REDIC1: variants seen among roughly 807,000 people sequenced by gnomAD.
REDIC1 encodes the protein regulator of DNA class I crossover intermediates 1.
the REDIC1 span, among the ~76,000 whole-genome samples, chr12:39,669,414 G>GT: frequency 2.4e-4 from 37 of 152,290 alleles, no homozygotes; most frequent in African/African-American, 8.2e-4. Flanking sequence ...TCCTCTGGAA[G>GT]TTTTTTCTCA....
At chr12:39,775,516 G>A in the REDIC1 span, among the ~76,000 whole-genome samples, 1 of 152,234 alleles carries the variant, frequency 6.6e-6, no homozygotes, top group African/African-American at 2.4e-5. Flanking sequence ...GTTAGCATTT[G>A]AGTGGTCTAA....
At chr12:39,638,720 C>T in the REDIC1 span, among the ~76,000 whole-genome samples, 10 of 151,940 alleles carry the variant, frequency 6.6e-5, no homozygotes, top group Admixed American at 5.3e-4. Context: ...TAAGAAATGA[C>T]CTTTGACATA....
chr12:39,790,217 TTC>T, the REDIC1 span, among the ~76,000 whole-genome samples: 7 of 6,498 alleles, frequency 1.1e-3, no homozygotes, highest in Admixed American at 1.9e-3. Flanking sequence ...TTTTTTTTTC[TTC>T]TTCTTCTTTT....
chr12:39,818,655 C>T, the REDIC1 span, among the ~76,000 whole-genome samples: 1 of 152,004 alleles, frequency 6.6e-6, no homozygotes, highest in Non-Finnish European at 1.5e-5. Flanking sequence ...TAGCTGATGT[C>T]CCCCAAGTTT....
At chr12:39,718,586 C>T in the REDIC1 span, among the ~76,000 whole-genome samples, 1 of 152,232 alleles carries the variant, frequency 6.6e-6, no homozygotes, top group East Asian at 1.9e-4. Context: ...ACTGCATTTG[C>T]ACAAAACAGT....
the REDIC1 span, among the ~76,000 whole-genome samples, chr12:39,851,547 T>C: frequency 6.6e-6 from 1 of 152,208 alleles, no homozygotes; most frequent in East Asian, 1.9e-4. Context: ...AAATGTTTGG[T>C]CTAGGCTAAA....
chr12:39,824,447 T>C, the REDIC1 span, among the ~76,000 whole-genome samples: 1 of 152,244 alleles, frequency 6.6e-6, no homozygotes, highest in South Asian at 2.1e-4. Flanking sequence ...ATCTGGAGAC[T>C]ATTCTCAGAG....
At chr12:39,721,727 C>G in the REDIC1 span, 2,600 of 152,610 alleles carry the variant, frequency 0.017, 42 homozygotes, top group Non-Finnish European at 0.026. Context: ...AGCTACTTCT[C>G]TTTAATATTA....
the REDIC1 span, among the ~76,000 whole-genome samples, chr12:39,899,889 C>G: frequency 6.6e-6 from 1 of 151,952 alleles, no homozygotes; most frequent in African/African-American, 2.4e-5. Flanking sequence ...CTGAGGAGAG[C>G]TTTCCTTCCA....
the REDIC1 span, chr12:39,864,646 C>T: frequency 7.2e-7 from 1 of 1,380,898 alleles, no homozygotes; most frequent in Non-Finnish European, 9.8e-7. Flanking sequence ...TCCCTTCTTA[C>T]ATAAGCCTGG....
At chr12:39,856,434 T>C in the REDIC1 span, among the ~76,000 whole-genome samples, 1 of 152,222 alleles carries the variant, frequency 6.6e-6, no homozygotes, top group African/African-American at 2.4e-5. Context: ...AGTGGCGTGA[T>C]CTCGGCTCAC....
the REDIC1 span, among the ~76,000 whole-genome samples, chr12:39,704,816 C>G: frequency 6.6e-6 from 1 of 151,848 alleles, no homozygotes; most frequent in Non-Finnish European, 1.5e-5. Flanking sequence ...GTAAACTATC[C>G]CAAGAACAAA....
chr12:39,749,496 G>A, the REDIC1 span, among the ~76,000 whole-genome samples: 16 of 152,188 alleles, frequency 1.1e-4, no homozygotes, highest in Non-Finnish European at 1.5e-4. Context: ...GAGGTACAAG[G>A]AGGAGCTGGT....
the REDIC1 span, among the ~76,000 whole-genome samples, chr12:39,862,444 T>G: frequency 1.3e-5 from 2 of 152,220 alleles, no homozygotes; most frequent in African/African-American, 2.4e-5. Context: ...CATAGGCACT[T>G]AACTTTTATT....
At chr12:39,816,418 C>T in the REDIC1 span, among the ~76,000 whole-genome samples, 5 of 105,042 alleles carry the variant, frequency 4.8e-5, no homozygotes, top group Admixed American at 4.1e-4. Flanking sequence ...CATCACACCC[C>T]GGGGCCTGTT....
At chr12:39,702,613 CG>C in the REDIC1 span, among the ~76,000 whole-genome samples, 1 of 152,026 alleles carries the variant, frequency 6.6e-6, no homozygotes, top group African/African-American at 2.4e-5. Flanking sequence ...ATACCAAAGC[CG>C]GGCAGAGACA....
the REDIC1 span, among the ~76,000 whole-genome samples, chr12:39,752,504 G>C: frequency 6.6e-6 from 1 of 152,112 alleles, no homozygotes; most frequent in South Asian, 2.1e-4. Context: ...CGCTGTTCTG[G>C]TGGGAGAAAC....
chr12:39,751,819 G>A, the REDIC1 span, among the ~76,000 whole-genome samples: 4 of 152,156 alleles, frequency 2.6e-5, no homozygotes, highest in East Asian at 3.9e-4. Context: ...ACCAAACACC[G>A]CATGTTCTCA....
chr12:39,788,895 T>C, the REDIC1 span, among the ~76,000 whole-genome samples: 4 of 152,162 alleles, frequency 2.6e-5, no homozygotes, highest in African/African-American at 7.2e-5. Context: ...ATAAAATAAA[T>C]ATTTTGGTAT....
Sources: gnomAD v4.1 joint callset for allele counts (sites outside exome capture counted in the v4.1 genomes callset) on GRCh38, gnomAD v4.1.1 for gene constraint, MANE v1.5 for transcripts, NCBI Gene and HGNC (gene_info 2026-07-23, HGNC 2026-07-21) for gene names.